COMMD10: variants seen among roughly 807,000 people sequenced by gnomAD.
COMMD10 encodes COMM domain containing 10.
A neutral mutation model predicts 28.9 loss-of-function variants in COMMD10; 33 were observed. The ratio of observed to expected loss-of-function variants is 1.14; its 90% CI spans 0.87 to 1.53. The LOEUF is 1.53. Ranked by LOEUF, COMMD10 falls within the 40% of genes most tolerant of loss-of-function variation. The pLI, the probability that COMMD10 is intolerant of heterozygous loss-of-function variation, is 0.00. For synonymous variants in COMMD10, 110 were observed against 81.7 expected, an observed-to-expected ratio of 1.35 and a Z score of -1.87; for missense variants, 310 against 233.4, an observed-to-expected ratio of 1.33 and a Z score of -2.14.
In COMMD10 at chr5:116,270,658, C is replaced by T. The variant is rs762303300; in HGVS notation, c.511-20859C>T. Among the ~76,000 whole-genome samples the T allele has an allele frequency of 4.6e-5, 7 of 151,630 alleles. No homozygotes were observed. The South Asian group carries it at 1.0e-3, about 22-fold the overall frequency. ...TATAAAGGTTATATATAAATTAGGACGGACACGGTGGCTCACACCTGTAAT... is the reference window on the plus strand; with the variant it reads ...TATAAAGGTTATATATAAATTAGGATGGACACGGTGGCTCACACCTGTAAT... On this transcript the variant is annotated intron_variant, in intron 5 of 6. Coordinates refer to ENST00000274458, the MANE Select transcript of COMMD10 (RefSeq NM_016144.4).
At chr5:116,274,287 G>C (rs1750843861) in intron 5 of COMMD10, among the ~76,000 whole-genome samples, 1 of 151,838 alleles carries the variant, frequency 6.6e-6, no homozygotes, top group African/African-American at 2.4e-5. Flanking sequence ...TGAGACATTT[G>C]TCTACAATAG....
chr5:116,161,919 T>A (rs1031285190), intron 5 of COMMD10, among the ~76,000 whole-genome samples: 3 of 152,206 alleles, frequency 2.0e-5, no homozygotes, highest in Admixed American at 2.0e-4. Flanking sequence ...TTAAATCATC[T>A]TCTGAAAATA....
intron 5 of COMMD10, among the ~76,000 whole-genome samples, chr5:116,229,557 G>A (rs6880295): frequency 0.61 from 92,538 of 151,772 alleles, 31,480 homozygotes; most frequent in South Asian, 0.77. Flanking sequence ...GTTCTGTAGC[G>A]CAACACTGTT....
At chr5:116,269,191 A>C (rs1750688835) in intron 5 of COMMD10, among the ~76,000 whole-genome samples, 1 of 151,886 alleles carries the variant, frequency 6.6e-6, no homozygotes, top group African/African-American at 2.4e-5. Context: ...TTAACAACTG[A>C]CACAAACAAA....
At chr5:116,137,700 G>T (rs1339382360) in intron 5 of COMMD10, among the ~76,000 whole-genome samples, 1 of 151,910 alleles carries the variant, frequency 6.6e-6, no homozygotes. Flanking sequence ...GAAAAATGCA[G>T]CCTGCAGTGA....
intron 5 of COMMD10, among the ~76,000 whole-genome samples, chr5:116,289,263 G>T (rs765060908): frequency 6.6e-6 from 1 of 151,740 alleles, no homozygotes; most frequent in Non-Finnish European, 1.5e-5. Context: ...TTTCTTCAGG[G>T]TAAGTGTCCC....
intron 5 of COMMD10, among the ~76,000 whole-genome samples, chr5:116,277,923 A>G (rs542340727): frequency 2.0e-5 from 3 of 151,982 alleles, no homozygotes; most frequent in South Asian, 2.1e-4. Flanking sequence ...ATTTCTGTCT[A>G]TGAATCTAAT....
At position 116,246,422 on chromosome 5, in the gene COMMD10, A is replaced by ATT. The variant is rs558769162; in HGVS notation, c.511-45094_511-45093dup. On this transcript the variant is annotated intron_variant, in intron 5 of 6. Coordinates refer to ENST00000274458, the MANE Select transcript of COMMD10 (RefSeq NM_016144.4). ...CCATACTTCCCAAAGCAATTTATAG[A>ATT]TTCAGTGCTATTCCTATTAAACCTC... Among the ~76,000 whole-genome samples the ATT allele has an allele frequency of 3.4e-4, 52 of 152,144 alleles. 1 individual carries two copies. The East Asian group carries it at 9.5e-3, about 28-fold the overall frequency.
intron 5 of COMMD10, among the ~76,000 whole-genome samples, chr5:116,229,443 A>C (rs1749474296): frequency 1.3e-5 from 2 of 152,050 alleles, no homozygotes; most frequent in South Asian, 4.1e-4. Flanking sequence ...CAAAGCATAA[A>C]GACTTGACAG....
rs1379294170 is a variant in COMMD10 at position 116,292,727 on chromosome 5, T to C, written c.*238T>C. ...GTAATTATTAAGAACACTTTCCCTT[T>C]AAAGGAAACAAAAGTGAATACCATA... On this transcript the variant is annotated 3_prime_UTR_variant, in exon 7 of 7. Transcript: ENST00000274458. 3 of 417,976 alleles carry C rather than the reference T, an allele frequency of 7.2e-6. No individual in the cohort carries two copies. Among genetic ancestry groups the C allele is most frequent in the African/African-American group, 6.1e-5 (3 of 48,956 alleles). The allele number at this position is 417,976 out of a possible 1,614,324, so 25.9% of individuals were successfully genotyped here.
At chr5:116,212,358 A>G (rs1748987857) in intron 5 of COMMD10, among the ~76,000 whole-genome samples, 1 of 152,116 alleles carries the variant, frequency 6.6e-6, no homozygotes. Context: ...ATAGAAGTAA[A>G]TATATCTACA....
At chr5:116,193,053 A>G (rs769493738) in intron 5 of COMMD10, among the ~76,000 whole-genome samples, 35 of 152,254 alleles carry the variant, frequency 2.3e-4, no homozygotes, top group Non-Finnish European at 3.8e-4. Context: ...TTTTGTATCC[A>G]GCGAAGCTAA....
intron 5 of COMMD10, among the ~76,000 whole-genome samples, chr5:116,176,745 C>T (rs973867404): frequency 6.6e-6 from 1 of 151,886 alleles, no homozygotes; most frequent in African/African-American, 2.4e-5. Flanking sequence ...CATGTTATTT[C>T]TTATGATTGT....
intron 4 of COMMD10, among the ~76,000 whole-genome samples, chr5:116,117,478 T>C (rs1260206304): frequency 6.6e-6 from 1 of 152,224 alleles, no homozygotes; most frequent in African/African-American, 2.4e-5. Context: ...TTGTTTGTTT[T>C]TGAGGTAGGG....
intron 4 of COMMD10, among the ~76,000 whole-genome samples, chr5:116,100,357 CT>C (rs1750618186): frequency 1.3e-5 from 2 of 152,020 alleles, no homozygotes; most frequent in Admixed American, 1.3e-4. Flanking sequence ...AAGTGATACG[CT>C]TTTGGTGTCC....
chr5:116,168,047 T>A (rs1196972687), intron 5 of COMMD10, among the ~76,000 whole-genome samples: 2 of 149,090 alleles, frequency 1.3e-5, no homozygotes, highest in Non-Finnish European at 3.0e-5. Context: ...GTAAATTGGA[T>A]AGAGTCAAGA....
At chr5:116,253,601 A>T (rs971490552) in intron 5 of COMMD10, among the ~76,000 whole-genome samples, 3 of 139,572 alleles carry the variant, frequency 2.1e-5, no homozygotes, top group Non-Finnish European at 4.6e-5. Flanking sequence ...GATTACATTT[A>T]TTGATTTGTG....
intron 5 of COMMD10, among the ~76,000 whole-genome samples, chr5:116,233,663 G>A (rs1031364): frequency 0.64 from 97,089 of 152,036 alleles, 34,549 homozygotes; most frequent in South Asian, 0.8. Context: ...AAACCACGAG[G>A]AATGTTCTGG....
Position 116,285,486 on chromosome 5 carries a change from G to C in COMMD10, c.511-6031G>C, listed in dbSNP as rs533641873. ...ATGGAGTATATGCTGTCTACAAATA[G>C]ACATGAAACACTTACCACTGCTGTA... On this transcript the variant is annotated intron_variant, in intron 5 of 6. Transcript: ENST00000274458. Among the ~76,000 whole-genome samples the C allele has an allele frequency of 2.0e-5, 3 of 151,982 alleles. No homozygotes were observed. The East Asian group carries it at 5.8e-4, about 29-fold the overall frequency.
Sources: gnomAD v4.1 joint callset for allele counts (sites outside exome capture counted in the v4.1 genomes callset) on GRCh38, gnomAD v4.1.1 for gene constraint, MANE v1.5 for transcripts, NCBI Gene and HGNC (gene_info 2026-07-23, HGNC 2026-07-21) for gene names.